The following LRRTM1 variants were observed in gnomAD, a reference collection of about 807,000 sequenced individuals.
The protein encoded by LRRTM1 is leucine rich repeat transmembrane neuronal 1, also known as leucine-rich repeat transmembrane neuronal protein 1.
A neutral mutation model predicts 37.3 loss-of-function variants in LRRTM1; 8 were observed. That is an observed-to-expected ratio of 0.21 (90% CI 0.13 to 0.39). The LOEUF (loss-of-function observed/expected upper bound fraction) is 0.39. Ranked by LOEUF, LRRTM1 falls within the 10% of genes least tolerant of loss-of-function variation. The pLI, the probability that LRRTM1 is intolerant of heterozygous loss-of-function variation, is 1.00. For synonymous variants in LRRTM1, 326 were observed against 316.8 expected, an observed-to-expected ratio of 1.03 and a Z score of -0.31; for missense variants, 557 against 691.0, an observed-to-expected ratio of 0.81 and a Z score of 2.17.
At chr2:80,304,038 C>A in intron 1 of LRRTM1, 114 bp downstream of exon 1, 1 of 462,782 alleles carries the variant, frequency 2.2e-6, no homozygotes, top group Non-Finnish European at 3.7e-6. Flanking sequence ...AAGTTCACAG[C>A]CACGGAAAGA....
Position 80,303,833 on chromosome 2 carries a change from T to C in LRRTM1, c.-14A>G, listed in dbSNP as rs771544781. On this transcript the variant is annotated 5_prime_UTR_variant, in exon 2 of 2. Transcript: ENST00000295057. This position sits in a 1 kb window ranked among gnomAD's most constrained non-coding sequence, Gnocchi z 7.7. Reference sequence around the variant, plus strand: ...CAGGAAATCCATTAGCGAGAATCTTTCCAGAGAGACTGGAGAATGTCCATT... The same window carrying C: ...CAGGAAATCCATTAGCGAGAATCTTCCCAGAGAGACTGGAGAATGTCCATT... 1.3e-6 allele frequency: 2 copies of C among 1,499,676 alleles called. No homozygotes were observed. Among genetic ancestry groups the C allele is most frequent in the Non-Finnish European group, 1.8e-6 (2 of 1,124,048 alleles). The allele number at this position is 1,499,676 out of a possible 1,614,324, so 92.9% of individuals were successfully genotyped here.
At chr2:80,298,587 G>C (rs1219985690), downstream of LRRTM1, 3 of 152,154 alleles carry the variant, frequency 2.0e-5, no homozygotes, top group African/African-American at 7.2e-5. Flanking sequence ...GGAAAACTTG[G>C]GAGGAATAAC....
At chr2:80,292,516 A>G (rs2149182272) in intron 2 of LRRTM1, among the ~76,000 whole-genome samples, 1 of 152,230 alleles carries the variant, frequency 6.6e-6, no homozygotes, top group Admixed American at 6.5e-5. Context: ...TTAAATGAGA[A>G]AATCTTAAGG....
Position 80,303,315 on chromosome 2 carries a change from G to T in LRRTM1, c.505C>A (p.Arg169=), listed in dbSNP as rs1303903132. 2 of 1,613,734 alleles carry T rather than the reference G, an allele frequency of 1.2e-6. No individual in the cohort carries two copies. Among genetic ancestry groups the T allele is most frequent in the East Asian group, 2.2e-5 (1 of 44,848 alleles). Reference sequence around the variant, plus strand: ...GGCACAAACTGGATGGCGTTGGCCCGCATATGCAGCGTGGTGAGCTTCCGC... The same window carrying T: ...GGCACAAACTGGATGGCGTTGGCCCTCATATGCAGCGTGGTGAGCTTCCGC... ...GLRKLTTLHM[R]ANAIQFVPVR... is the part of the protein sequence containing the mutation. The change falls in exon 2 of 2, where the codon CGG becomes AGG. Residue 169 remains arginine, a synonymous_variant. Transcript: ENST00000295057. This position sits in a 1 kb window ranked among gnomAD's most constrained non-coding sequence, Gnocchi z 7.7.
Position 80,302,098 on chromosome 2 carries a change from TA to T in LRRTM1, c.*152del. ...TTTTGTTTTTAAGACACAATAAAGC[TA>T]AAATGTCAAGTCTCTGGGAGAGATC... On this transcript the variant is annotated 3_prime_UTR_variant, in exon 2 of 2. Coordinates refer to ENST00000295057, the MANE Select transcript of LRRTM1 (RefSeq NM_178839.5). This position sits in a 1 kb window ranked among gnomAD's most constrained non-coding sequence, Gnocchi z 6.4. 9.5e-7 allele frequency: 1 copy of T among 1,053,326 alleles called. No homozygotes were observed. Among genetic ancestry groups the T allele is most frequent in the Non-Finnish European group, 1.3e-6 (1 of 756,740 alleles). 65.2% of individuals were successfully genotyped at this position (1,053,326 alleles called of 1,614,324 possible). A position where few individuals can be genotyped will look rare whatever the true frequency, so the allele number is the denominator to read the frequency against.
At chr2:80,295,918 G>C (rs765358939) in intron 2 of LRRTM1, among the ~76,000 whole-genome samples, 1 of 152,216 alleles carries the variant, frequency 6.6e-6, no homozygotes, top group Middle Eastern at 3.4e-3. Context: ...TTGCCTGTCT[G>C]TCCCCAGATG....
chr2:80,300,658 C>A (rs1416513182), downstream of LRRTM1, among the ~76,000 whole-genome samples: 1 of 152,060 alleles, frequency 6.6e-6, no homozygotes, highest in Non-Finnish European at 1.5e-5. Context: ...CAGAAAGATG[C>A]AACTCTTTAG....
Position 80,303,250 on chromosome 2 carries a change from G to C in LRRTM1, c.570C>G (p.Leu190=). The C allele has an allele frequency of 6.2e-7, 1 of 1,613,698 alleles. No homozygotes were observed. The highest frequency in any genetic ancestry group is 8.5e-7 in the Non-Finnish European group (1 of 1,179,996). The change falls in exon 2 of 2, where the codon CTC becomes CTG. Residue 190 remains leucine (L), a synonymous_variant. Transcript: ENST00000295057. This position sits in a 1 kb window ranked among gnomAD's most constrained non-coding sequence, Gnocchi z 7.7. ...IFQDCRSLKF[L]DIGYNQLKSL... is the part of the protein sequence containing the mutation. Reference sequence around the variant, plus strand: ...TCTTGAGCTGATTGTATCCGATGTCGAGAAACTTGAGGCTGCGGCAGTCCT... The same window carrying C: ...TCTTGAGCTGATTGTATCCGATGTCCAGAAACTTGAGGCTGCGGCAGTCCT...
downstream of LRRTM1, among the ~76,000 whole-genome samples, chr2:80,299,881 T>C (rs1368794254): frequency 1.3e-5 from 2 of 152,164 alleles, no homozygotes; most frequent in Non-Finnish European, 2.9e-5. Flanking sequence ...CAAAGCAGCT[T>C]TGGGCGCTGG....
rs1032441060 is a variant in LRRTM1, at chr2:80,303,575, G to A, written c.245C>T (p.Ala82Val). The change falls in exon 2 of 2, where the codon GCC (alanine) becomes GTC (valine). Residue 82 changes from alanine (A) to valine (V), a missense_variant. By Grantham distance (64) the Ala-to-Val change is moderately conservative. Transcript: ENST00000295057. This position sits in a 1 kb window ranked among gnomAD's most constrained non-coding sequence, Gnocchi z 7.7. ...LRYNSLSELR[A>V]GQFTGLMQLT... ...CTGCATTAACCCCGTGAACTGGCCGGCGCGCAGCTCCGAGAGGCTGTTGTA... is the reference window on the plus strand; with the variant it reads ...CTGCATTAACCCCGTGAACTGGCCGACGCGCAGCTCCGAGAGGCTGTTGTA... The A allele has an allele frequency of 2.4e-5, 39 of 1,614,118 alleles. No individual in the cohort carries two copies. Among genetic ancestry groups the A allele is most frequent in the Admixed American group, 3.3e-5 (2 of 60,016 alleles).
intron 2 of LRRTM1, among the ~76,000 whole-genome samples, chr2:80,293,285 G>A (rs1343331145): frequency 2.0e-5 from 3 of 152,180 alleles, no homozygotes; most frequent in African/African-American, 7.2e-5. Context: ...TCTGTGTGCT[G>A]CTGAGCCATC....
chr2:80,297,424 G>C (rs1014746100), downstream of LRRTM1, among the ~76,000 whole-genome samples: 8 of 152,104 alleles, frequency 5.3e-5, no homozygotes, highest in African/African-American at 1.9e-4. Flanking sequence ...CACTTATTGT[G>C]ATCTAGATAA....
chr2:80,301,765 G>A (rs1484651005), downstream of LRRTM1: 1 of 152,420 alleles, frequency 6.6e-6, no homozygotes, highest in Non-Finnish European at 1.5e-5. Context: ...CGTTGCTCCT[G>A]GATTTTCCTT....
At chr2:80,296,133 C>A (rs1675719595) in intron 2 of LRRTM1, among the ~76,000 whole-genome samples, 1 of 152,090 alleles carries the variant, frequency 6.6e-6, no homozygotes, top group South Asian at 2.1e-4. Context: ...TAGAGGCATG[C>A]AATGTGTAAC....
Position 80,303,809 on chromosome 2 carries a change from A to C in LRRTM1, c.11T>G (p.Leu4Arg), listed in dbSNP as rs1558986167. MDF[L>R]LLGLCLYWLL... ...CCAGTATAGACAGAGACCGAGCAGCAGGAAATCCATTAGCGAGAATCTTTC... is the reference window on the plus strand; with the variant it reads ...CCAGTATAGACAGAGACCGAGCAGCCGGAAATCCATTAGCGAGAATCTTTC... Residue 4 changes from leucine (L) to arginine (R), a missense_variant, in exon 2 of 2, where the codon CTG (leucine) becomes CGG (arginine). Leu to Arg is a moderately radical substitution (Grantham distance 102, BLOSUM62 -2). Transcript: ENST00000295057. The surrounding 1 kb of genome is among the most constrained non-coding windows in gnomAD (Gnocchi z 7.7). 1.3e-6 allele frequency: 2 copies of C among 1,510,624 alleles called. No homozygotes were observed. Among genetic ancestry groups the C allele is most frequent in the Non-Finnish European group, 1.8e-6 (2 of 1,129,904 alleles). The allele number at this position is 1,510,624 out of a possible 1,614,324, so 93.6% of individuals were successfully genotyped here.
At chr2:80,293,129 G>A (rs191514160) in intron 2 of LRRTM1, among the ~76,000 whole-genome samples, 34 of 152,288 alleles carry the variant, frequency 2.2e-4, no homozygotes, top group African/African-American at 7.7e-4. Flanking sequence ...AGACAGTGAG[G>A]CAAAATAACA....
intron 2 of LRRTM1, among the ~76,000 whole-genome samples, chr2:80,290,274 G>A (rs1476835448): frequency 2.0e-5 from 3 of 152,176 alleles, no homozygotes; most frequent in Non-Finnish European, 4.4e-5. Context: ...ACAACTCTGG[G>A]ATGTGTTGAA....
rs564964279 is a variant in LRRTM1 at position 80,290,785 on chromosome 2, T to G, written c.*307-1590A>C. Among the ~76,000 whole-genome samples the G allele has an allele frequency of 1.7e-4, 26 of 152,102 alleles. No homozygotes were observed. The South Asian group carries it at 4.6e-3, about 27-fold the overall frequency. On this transcript the variant is annotated intron_variant and NMD_transcript_variant, in intron 2 of 2. Coordinates refer to the LRRTM1 transcript ENST00000417012. ...TCTTGTTGTGAATGCCTGGTGTAGC[T>G]CATAACTATGAATTCGGTAAAAAGA...
At position 80,303,393 on chromosome 2, in the gene LRRTM1, C is replaced by T; in HGVS notation, c.427G>A (p.Asp143Asn). Residue 143 changes from aspartate to asparagine, a missense_variant, in exon 2 of 2, where the codon GAC (aspartate) becomes AAC (asparagine). Around this residue, in one of 5 missense-constraint regions of LRRTM1, gnomAD observed 38 missense variants for 72.9 expected, o/e 0.52. Coordinates refer to ENST00000295057, the MANE Select transcript of LRRTM1 (RefSeq NM_178839.5). The surrounding 1 kb of genome is among the most constrained non-coding windows in gnomAD (Gnocchi z 7.7). ...GCCTGCAGCTTGTTGTACGAGAGGT[C>T]CACGCTGCGCAGGTTGGGCATGGGC... ...FRPMPNLRSV[D>N]LSYNKLQALA... 2 of 1,614,152 alleles carry T rather than the reference C, an allele frequency of 1.2e-6. No individual in the cohort carries two copies. The highest frequency in any genetic ancestry group is 8.5e-7 in the Non-Finnish European group (1 of 1,180,024).
Sources: allele counts gnomAD v4.1 joint callset (sites outside exome capture counted in the v4.1 genomes callset), GRCh38; gene constraint gnomAD v4.1.1; regional missense constraint gnomAD v4.1.1; non-coding constraint Gnocchi (gnomAD v3.1); transcripts MANE v1.5; gene names NCBI Gene and HGNC (gene_info 2026-07-23, HGNC 2026-07-21).